Variants in USPL1 observed in about 807,000 individuals in gnomAD.
USPL1 encodes the protein SUMO-specific isopeptidase USPL1.
A neutral mutation model predicts 51.5 loss-of-function variants in USPL1; 27 were observed. That is an observed-to-expected ratio of 0.52 (90% CI 0.39 to 0.72). The LOEUF (loss-of-function observed/expected upper bound fraction) is 0.72. Among genes scored for constraint, USPL1 ranks in the 30% least tolerant of loss-of-function variants. The probability of loss-of-function intolerance (pLI) is 0.00; values close to 1 mark genes in which losing one functional copy is unlikely to be tolerated. For missense variants in USPL1, 1,226 were observed against 1,268.0 expected (o/e 0.97, Z 0.50); for synonymous variants, 451 against 459.6 (o/e 0.98, Z 0.24).
In USPL1 at chr13:30,646,953, C is replaced by T. The variant is rs761193657; in HGVS notation, c.1134C>T (p.Thr378=). The T allele has an allele frequency of 1.2e-6, 2 of 1,613,660 alleles. No individual in the cohort carries two copies. The highest frequency in any genetic ancestry group is 1.3e-5 in the African/African-American group (1 of 74,870). Residue 378 remains threonine (T), a synonymous_variant, in exon 7 of 9, where the codon ACC becomes ACT. Coordinates refer to ENST00000255304, the MANE Select transcript of USPL1 (RefSeq NM_005800.5). ...ATAGGCATATGAAGAGTCTGGTCAC[C>T]TTTACAAATGTCATCCCTGAGTGGC... The part of the protein sequence containing the change: ...YQNRHMKSLV[T]FTNVIPEWHP...
chr13:30,634,205 T>A (rs980581250), intron 4 of USPL1, among the ~76,000 whole-genome samples: 1 of 152,166 alleles, frequency 6.6e-6, no homozygotes, highest in South Asian at 2.1e-4. Flanking sequence ...TGGCAATAGA[T>A]CGCATCACCA....
chr13:30,654,561 G>C (rs916194443), intron 8 of USPL1, among the ~76,000 whole-genome samples: 1 of 152,066 alleles, frequency 6.6e-6, no homozygotes, highest in Non-Finnish European at 1.5e-5. Context: ...GGCTCCCCAG[G>C]TGATTCCAGT....
intron 7 of USPL1, among the ~76,000 whole-genome samples, chr13:30,651,826 G>A (rs1046644198): frequency 3.3e-5 from 5 of 152,060 alleles, no homozygotes; most frequent in Admixed American, 6.6e-5. Flanking sequence ...GTATGGTGGC[G>A]CATGCCTGTA....
In USPL1 at chr13:30,631,490, T is replaced by G. The variant is rs1457912860; in HGVS notation, c.868+16T>G. On this transcript the variant is annotated intron_variant, in intron 4 of 8. Coordinates refer to ENST00000255304, the MANE Select transcript of USPL1 (RefSeq NM_005800.5). ...GGTGTTAAAGGTTGGTACTAATATT[T>G]TATTTTTATTTACTTATTTATTCAT... 1.3e-6 allele frequency: 2 copies of G among 1,579,406 alleles called. No individual in the cohort carries two copies. The highest frequency in any genetic ancestry group is 2.7e-5 in the African/African-American group (2 of 72,914).
chr13:30,657,368 C>A, intron 8 of USPL1, 106 bp from the exon 9 acceptor site: 1 of 1,144,748 alleles, frequency 8.7e-7, no homozygotes, highest in East Asian at 2.5e-5. Flanking sequence ...AGAGTCTTCT[C>A]CTTTGGTCGG....
At position 30,637,749 on chromosome 13, in the gene USPL1, GA is replaced by G. The variant is rs1405823882; in HGVS notation, c.875del (p.Asp292ValfsTer13). 4 of 1,608,304 alleles carry G rather than the reference GA, an allele frequency of 2.5e-6. No individual in the cohort carries two copies. Among genetic ancestry groups the G allele is most frequent in the Non-Finnish European group, 1.7e-6 (2 of 1,177,224 alleles). On this transcript the variant is annotated frameshift_variant, in exon 5 of 9. Transcript: ENST00000255304. LOFTEE classifies it high-confidence loss of function. ...TSQLSGVKDG[D>X]CKKLTSEIFA... ...TGTTCTCTGTATTTTCTTAGATGGA[GA>G]TTGTAAAAAACTTACCTCAGAAATA...
At chr13:30,654,308 G>A (rs898625375) in intron 8 of USPL1, among the ~76,000 whole-genome samples, 3 of 151,870 alleles carry the variant, frequency 2.0e-5, no homozygotes, top group Non-Finnish European at 4.4e-5. Flanking sequence ...TTTTTGGCCC[G>A]CCTACCCGCC....
chr13:30,653,170 C>T lies in USPL1; in HGVS notation c.1261C>T (p.His421Tyr). The T allele has an allele frequency of 6.2e-7, 1 of 1,605,020 alleles. No individual in the cohort carries two copies. The highest frequency in any genetic ancestry group is 1.7e-5 in the Admixed American group (1 of 59,018). Reference protein sequence around the residue: ...LEKVSPIFMLHFVEGLPQNDL... With the variant: ...LEKVSPIFMLYFVEGLPQNDL... ...CAGAGTATCTCCCATATTCATGTTG[C>T]ACTTTGTAGAAGGCTTACCACAGAA... Residue 421 changes from histidine (H) to tyrosine (Y), a missense_variant, in exon 8 of 9, where the codon CAC becomes TAC. Transcript: ENST00000255304.
chr13:30,621,000 T>C, intron 1 of USPL1, 73 bp from the exon 2 acceptor site: 1 of 666,908 alleles, frequency 1.5e-6, no homozygotes, highest in Non-Finnish European at 2.5e-6. Context: ...ATATACGTCT[T>C]ATAAAATAGC....
rs1951228067 is a variant in USPL1, at chr13:30,659,548, G to T, written c.*192G>T. 6.0e-6 allele frequency: 3 copies of T among 502,444 alleles called. No individual in the cohort carries two copies. In the South Asian group the frequency reaches 1.3e-4, roughly 21 times the overall value. The allele number at this position is 502,444 out of a possible 1,614,324, so 31.1% of individuals were successfully genotyped here. On this transcript the variant is annotated 3_prime_UTR_variant, in exon 9 of 9. Transcript: ENST00000255304. ...CTTACACATTAAAATCACTGAATGTGTTCTCCTTTTTGGTTTCATTTTGTT... is the reference window on the plus strand; with the variant it reads ...CTTACACATTAAAATCACTGAATGTTTTCTCCTTTTTGGTTTCATTTTGTT...
In USPL1 at chr13:30,631,023, C is replaced by T; in HGVS notation, c.417C>T (p.Ser139=). 6.2e-7 allele frequency: 1 copy of T among 1,613,984 alleles called. No homozygotes were observed. The highest frequency in any genetic ancestry group is 1.1e-5 in the South Asian group (1 of 91,080). Residue 139 remains serine (S), a synonymous_variant, in exon 4 of 9, where the codon AGC becomes AGT. Coordinates refer to ENST00000255304, the MANE Select transcript of USPL1 (RefSeq NM_005800.5). ...IAIDGGKVLN[S]KHNGEVYDET... ...TTGACGGTGGAAAAGTTTTGAACAG[C>T]AAACATAATGGAGAAGTATATGACG...
chr13:30,652,093 T>TA (rs1951099392), intron 7 of USPL1, among the ~76,000 whole-genome samples: 1 of 152,254 alleles, frequency 6.6e-6, no homozygotes, highest in Admixed American at 6.5e-5. Flanking sequence ...TGGTAATATG[T>TA]GAAATTGATG....
At chr13:30,626,213 C>T (rs1235973465) in intron 3 of USPL1, among the ~76,000 whole-genome samples, 1 of 152,100 alleles carries the variant, frequency 6.6e-6, no homozygotes, top group Non-Finnish European at 1.5e-5. Context: ...ACTTGGGAGG[C>T]TGAGGCAGGA....
Position 30,631,277 on chromosome 13 carries a change from C to T in USPL1, c.671C>T (p.Ala224Val), listed in dbSNP as rs748599447. 2.5e-6 allele frequency: 4 copies of T among 1,614,010 alleles called. No homozygotes were observed. The highest frequency in any genetic ancestry group is 2.7e-5 in the African/African-American group (2 of 74,906). Residue 224 changes from alanine (A) to valine (V), a missense_variant, in exon 4 of 9, where the codon GCT becomes GTT. Physicochemically the swap from Ala to Val is moderately conservative, Grantham distance 64 (BLOSUM62 0). Coordinates refer to ENST00000255304, the MANE Select transcript of USPL1 (RefSeq NM_005800.5). ...LESKCTSFPQ[A>V]LCVQWKNAYA... is the part of the protein sequence containing the mutation. ...AGCAAATGTACATCATTTCCCCAGG[C>T]TTTATGTGTCCAGTGGAAAAATGCT... is the stretch of plus-strand genomic sequence containing the variant.
intron 7 of USPL1, among the ~76,000 whole-genome samples, chr13:30,651,499 T>C (rs1951091681): frequency 6.6e-6 from 1 of 152,238 alleles, no homozygotes; most frequent in African/African-American, 2.4e-5. Flanking sequence ...TGGTTTTACA[T>C]GCGTTATTTA....
intron 8 of USPL1, among the ~76,000 whole-genome samples, chr13:30,654,316 G>A (rs997014488): frequency 2.0e-5 from 3 of 151,632 alleles, no homozygotes; most frequent in African/African-American, 7.3e-5. Context: ...CCGCCTACCC[G>A]CCCTTCCTTC....
rs768631825 is a variant in USPL1, at chr13:30,657,750, G to A, written c.1673G>A (p.Arg558His). 52 of 1,613,948 alleles carry A rather than the reference G, an allele frequency of 3.2e-5. No homozygotes were observed. The highest frequency in any genetic ancestry group is 2.6e-4 in the South Asian group (24 of 91,080). The change falls in exon 9 of 9, where the codon CGT (arginine) becomes CAT (histidine). Residue 558 changes from arginine to histidine, a missense_variant. By Grantham distance (29) the Arg-to-His change is conservative. Transcript: ENST00000255304. ...THPKDISVAP[R>H]TLSQDTAVTH... ...CCTAAAGATATATCAGTTGCCCCTC[G>A]TACTCTTTCACAGGACACAGCTGTA...
At chr13:30,647,086 G>T (rs1427027107) in intron 7 of USPL1, 29 bp downstream of exon 7, 1 of 1,582,930 alleles carries the variant, frequency 6.3e-7, no homozygotes, top group Admixed American at 1.7e-5. Context: ...ATAATTTTTA[G>T]TACAAAATGA....
chr13:30,649,787 C>A lies in USPL1; in HGVS notation c.1238+2730C>A, dbSNP rs1951064632. 2.6e-5 allele frequency among the ~76,000 whole-genome samples: 4 copies of A among 152,176 alleles called. No homozygotes were observed. In the South Asian group the frequency reaches 6.2e-4, roughly 24 times the overall value. On this transcript the variant is annotated intron_variant, in intron 7 of 8. Coordinates refer to ENST00000255304, the MANE Select transcript of USPL1 (RefSeq NM_005800.5). ...GCTTTCTTTCTCTCTTTTCTATTTT[C>A]TTTTCTTTTCCTAAGGATAGATCTT...
Sources: gnomAD v4.1 joint callset for allele counts (sites outside exome capture counted in the v4.1 genomes callset) on GRCh38, gnomAD v4.1.1 for gene constraint, MANE v1.5 for transcripts, NCBI Gene and HGNC (gene_info 2026-07-23, HGNC 2026-07-21) for gene names.